ROBO1: variants seen among roughly 807,000 people sequenced by gnomAD.
ROBO1 encodes the protein roundabout guidance receptor 1.
In ROBO1, 149 loss-of-function variants were observed where a neutral mutation model predicts 195.9. The ratio of observed to expected loss-of-function variants is 0.76; its 90% CI spans 0.67 to 0.87. The LOEUF (loss-of-function observed/expected upper bound fraction) is 0.87, where lower values mean the gene tolerates loss of function less well. ROBO1 is among the 40% of genes least tolerant of loss of function. The pLI is 0.00. For synonymous variants in ROBO1, 816 were observed against 733.2 expected (o/e 1.11, Z -1.82); for missense variants, 1,933 against 2,068.3 (o/e 0.93, Z 1.27).
At chr3:79,762,112 G>A (rs554721908) in intron 1 of ROBO1, among the ~76,000 whole-genome samples, 3 of 152,160 alleles carry the variant, frequency 2.0e-5, no homozygotes, top group Non-Finnish European at 4.4e-5. Context: ...TATGGAATAG[G>A]TGCCTTGTAA....
chr3:78,716,298 T>C lies in ROBO1; in HGVS notation c.917+977A>G, dbSNP rs566898172. On this transcript the variant is annotated intron_variant, in intron 7 of 30. Transcript: ENST00000464233. ...TAATTTATAAAGGAAAGAGGTTTAA[T>C]TGACTCACAGTTCCACATGGCTGGG... 9.8e-5 allele frequency among the ~76,000 whole-genome samples: 15 copies of C among 152,300 alleles called. 1 individual carries two copies. Among genetic ancestry groups the C allele is most frequent in the South Asian group, 8.3e-4 (4 of 4,830 alleles).
chr3:79,408,239 A>AT, intron 2 of ROBO1, among the ~76,000 whole-genome samples: 1 of 151,650 alleles, frequency 6.6e-6, no homozygotes, highest in Admixed American at 6.6e-5. Flanking sequence ...AAAAAATAAA[A>AT]AAAATTAAAA....
rs570450606 is a variant in ROBO1, at chr3:79,312,535, T to C, written c.89-186996A>G. 7.2e-5 allele frequency among the ~76,000 whole-genome samples: 11 copies of C among 152,194 alleles called. 1 individual carries two copies. The highest frequency in any genetic ancestry group is 6.2e-4 in the South Asian group (3 of 4,836). On this transcript the variant is annotated intron_variant, in intron 2 of 30. Transcript: ENST00000464233. ...AAGCGATGTTATAGTGAAAAGTATA[T>C]CTCTCCTTCCAAGATAAGGTACTAT... is the stretch of plus-strand genomic sequence containing the variant.
chr3:79,227,022 G>A (rs954328477), intron 2 of ROBO1, among the ~76,000 whole-genome samples: 5 of 152,144 alleles, frequency 3.3e-5, no homozygotes, highest in Admixed American at 6.5e-5. Flanking sequence ...CCTTCTCAAC[G>A]TGATTCAACT....
At chr3:79,607,641 T>A (rs1351289473) in intron 1 of ROBO1, among the ~76,000 whole-genome samples, 1 of 151,346 alleles carries the variant, frequency 6.6e-6, no homozygotes, top group African/African-American at 2.4e-5. Context: ...TTCAGCTGCA[T>A]CCATTTCTTA....
chr3:78,788,534 C>T (rs1157333795), intron 4 of ROBO1, among the ~76,000 whole-genome samples: 2 of 147,742 alleles, frequency 1.4e-5, no homozygotes, highest in South Asian at 2.2e-4. Context: ...GAATTTAGCT[C>T]TCCACTTTGA....
chr3:79,490,355 C>T (rs1356179826), intron 2 of ROBO1, among the ~76,000 whole-genome samples: 2 of 152,148 alleles, frequency 1.3e-5, no homozygotes, highest in African/African-American at 2.4e-5. Flanking sequence ...CACTCATTTC[C>T]TCTACCCTCC....
intron 2 of ROBO1, among the ~76,000 whole-genome samples, chr3:79,329,742 G>T (rs1025762974): frequency 6.6e-6 from 1 of 152,140 alleles, no homozygotes; most frequent in Admixed American, 6.6e-5. Context: ...TGTTAAGTGA[G>T]ATAGAATAAT....
rs1343706972 is a variant in ROBO1 at position 79,131,569 on chromosome 3, C to T, written c.89-6030G>A. Among the ~76,000 whole-genome samples, 3 of 492 alleles carry T rather than the reference C, an allele frequency of 6.1e-3. 1 individual carries two copies. The highest frequency in any genetic ancestry group is 6.5e-3 in the African/African-American group (3 of 460). 0.3% of individuals were successfully genotyped at this position (492 alleles called of 152,430 possible). ...TTTATTGTGTCTATTTGATTCTTCT[C>T]TCTTTTTTTCTTTATTAGTCTTGCT... On this transcript the variant is annotated intron_variant, in intron 2 of 30. Transcript: ENST00000464233.
intron 8 of ROBO1, among the ~76,000 whole-genome samples, chr3:78,706,242 G>A (rs1240904031): frequency 1.3e-5 from 2 of 151,996 alleles, no homozygotes; most frequent in East Asian, 3.9e-4. Flanking sequence ...GATGGGGCAG[G>A]TGGAGCTGGG....
intron 2 of ROBO1, among the ~76,000 whole-genome samples, chr3:79,585,517 C>T (rs1016592901): frequency 5.9e-5 from 9 of 151,982 alleles, no homozygotes; most frequent in African/African-American, 1.7e-4. Context: ...AAAACCAAAG[C>T]GAAATAAACC....
intron 1 of ROBO1, among the ~76,000 whole-genome samples, chr3:79,595,194 C>T (rs1336407250): frequency 6.6e-6 from 1 of 151,686 alleles, no homozygotes; most frequent in Non-Finnish European, 1.5e-5. Context: ...CTGATCCATC[C>T]CCTGCTAATA....
intron 3 of ROBO1, among the ~76,000 whole-genome samples, chr3:79,067,095 G>C (rs116527953): frequency 0.015 from 2,261 of 151,910 alleles, 32 homozygotes; most frequent in Non-Finnish European, 0.025. Context: ...ATTTTAGTGG[G>C]CACACAAGGC....
chr3:79,064,685 T>C lies in ROBO1; in HGVS notation c.172+60771A>G, dbSNP rs1038945784. Among the ~76,000 whole-genome samples the C allele has an allele frequency of 2.1e-4, 32 of 151,876 alleles. 1 individual carries two copies. The highest frequency in any genetic ancestry group is 2.9e-5 in the Non-Finnish European group (2 of 67,900). On this transcript the variant is annotated intron_variant, in intron 3 of 30. Coordinates refer to ENST00000464233, the MANE Select transcript of ROBO1 (RefSeq NM_002941.4). ...AATCTATTTTTAAAAGAAATCAAAT[T>C]ACGTAATTTCTCTGAACAAAACTCC...
rs76880412 is a variant in ROBO1 at position 78,659,918 on chromosome 3, C to CTTTTTTT, written c.2321-118_2321-112dup. The CTTTTTTT allele has an allele frequency of 2.1e-4, 85 of 406,096 alleles. No individual in the cohort carries two copies. In the African/African-American group the frequency reaches 2.2e-3, roughly 10 times the overall value. The allele number at this position is 406,096 out of a possible 1,614,324, so 25.2% of individuals were successfully genotyped here. A position where few individuals can be genotyped will look rare whatever the true frequency, so the allele number is the denominator to read the frequency against. On this transcript the variant is annotated intron_variant, in intron 16 of 30. Coordinates refer to ENST00000464233, the MANE Select transcript of ROBO1 (RefSeq NM_002941.4). ...TGTATTAATACTATATCAATATATG[C>CTTTTTTT]TTTTTTTTTTTTTTTTTTTTGAGAC...
At chr3:79,084,698 T>C (rs1175294864) in intron 3 of ROBO1, among the ~76,000 whole-genome samples, 1 of 152,158 alleles carries the variant, frequency 6.6e-6, no homozygotes, top group Non-Finnish European at 1.5e-5. Context: ...AATTGTGGAA[T>C]TGAATCTTGG....
intron 8 of ROBO1, among the ~76,000 whole-genome samples, chr3:78,702,711 T>C (rs1289737405): frequency 6.6e-6 from 1 of 152,208 alleles, no homozygotes; most frequent in East Asian, 1.9e-4. Flanking sequence ...TTCAGAATGT[T>C]GGTTTGGTTT....
At chr3:79,073,232 T>C (rs1169008658) in intron 3 of ROBO1, among the ~76,000 whole-genome samples, 3 of 152,106 alleles carry the variant, frequency 2.0e-5, no homozygotes, top group African/African-American at 7.2e-5. Flanking sequence ...TCTTAGCGTC[T>C]CCCATTTTAG....
intron 1 of ROBO1, among the ~76,000 whole-genome samples, chr3:79,719,845 T>C (rs1390067571): frequency 6.6e-6 from 1 of 152,214 alleles, no homozygotes; most frequent in African/African-American, 2.4e-5. Context: ...TATGAGCTTT[T>C]CAAATATTTA....
Sources: allele counts gnomAD v4.1 joint callset (sites outside exome capture counted in the v4.1 genomes callset), GRCh38; gene constraint gnomAD v4.1.1; transcripts MANE v1.5; gene names NCBI Gene and HGNC (gene_info 2026-07-23, HGNC 2026-07-21).